Variants in IKBKB-DT observed in about 807,000 individuals in gnomAD.
IKBKB-DT encodes IKBKB divergent transcript, also known as IKBKB antisense RNA.
chr8:42,234,164 G>T (rs538486395), intron 3 of IKBKB-DT, among the ~76,000 whole-genome samples: 3 of 152,296 alleles, frequency 2.0e-5, no homozygotes, highest in African/African-American at 7.2e-5. Flanking sequence ...GCCCAGGAAT[G>T]AACAAGGACA....
In IKBKB-DT at chr8:42,253,547, G is replaced by T. The variant is rs193208921; in HGVS notation, n.1529+9782C>A. On this transcript the variant is annotated intron_variant and non_coding_transcript_variant, in intron 3 of 3. Transcript: ENST00000518213. ...GTTTGGAGAGTCATAACCAGATATTGGAGGAAACTAGAATTGGGGATCCAG... is the reference window on the plus strand; with the variant it reads ...GTTTGGAGAGTCATAACCAGATATTTGAGGAAACTAGAATTGGGGATCCAG... Among the ~76,000 whole-genome samples, 107 of 152,284 alleles carry T rather than the reference G, an allele frequency of 7.0e-4. 1 individual carries two copies. In the South Asian group the frequency reaches 0.021, roughly 30 times the overall value.
At chr8:42,240,918 T>C (rs1394801926) in intron 3 of IKBKB-DT, among the ~76,000 whole-genome samples, 2 of 151,976 alleles carry the variant, frequency 1.3e-5, no homozygotes, top group Non-Finnish European at 2.9e-5. Context: ...GAGGTTGCTG[T>C]GAGCTGAGAT....
chr8:42,254,420 A>G (rs28447094), intron 3 of IKBKB-DT, among the ~76,000 whole-genome samples: 15,542 of 143,624 alleles, frequency 0.11, 2,495 homozygotes, highest in African/African-American at 0.36. Flanking sequence ...CTGCCCAGCC[A>G]CCGCCCCGTC....
At chr8:42,239,603 T>A (rs1306357054) in intron 3 of IKBKB-DT, among the ~76,000 whole-genome samples, 1 of 134,558 alleles carries the variant, frequency 7.4e-6, no homozygotes, top group Non-Finnish European at 1.6e-5. Context: ...CCAATTTTTG[T>A]AAAAGGCAAT....
At chr8:42,262,321 A>T (rs564160277) in intron 3 of IKBKB-DT, among the ~76,000 whole-genome samples, 8 of 147,038 alleles carry the variant, frequency 5.4e-5, no homozygotes, top group Admixed American at 2.7e-4. Flanking sequence ...CACTTTATTT[A>T]AAAAAAAAAA....
At chr8:42,248,741 T>C (rs1220978181) in intron 3 of IKBKB-DT, among the ~76,000 whole-genome samples, 1 of 151,814 alleles carries the variant, frequency 6.6e-6, no homozygotes, top group East Asian at 1.9e-4. Flanking sequence ...TGGCCAGGTG[T>C]GGTGACAGGC....
At chr8:42,243,138 G>T (rs72641465) in intron 3 of IKBKB-DT, among the ~76,000 whole-genome samples, 1 of 152,162 alleles carries the variant, frequency 6.6e-6, no homozygotes, top group African/African-American at 2.4e-5. Context: ...CCTACTGGGC[G>T]GTTGGACTGG....
rs536724720 is a variant in IKBKB-DT at position 42,248,340 on chromosome 8, G to A, written n.1530-14481C>T. Among the ~76,000 whole-genome samples, 7 of 152,058 alleles carry A rather than the reference G, an allele frequency of 4.6e-5. No homozygotes were observed. In the East Asian group the frequency reaches 5.8e-4, roughly 13 times the overall value. ...AGGCCACAGACCGGGACCTGTCTTC[G>A]GCTCTTGGTTTGGAGACCCCTGTCT... On this transcript the variant is annotated intron_variant and non_coding_transcript_variant, in intron 3 of 3. Coordinates refer to ENST00000518213, the Ensembl canonical transcript of IKBKB-DT.
intron 3 of IKBKB-DT, among the ~76,000 whole-genome samples, chr8:42,254,091 G>A (rs1585464890): frequency 6.6e-6 from 1 of 152,338 alleles, no homozygotes; most frequent in South Asian, 2.1e-4. Context: ...ACGGCTAGCA[G>A]ATATTTAAGA....
At chr8:42,253,118 G>T (rs1347254986) in intron 3 of IKBKB-DT, among the ~76,000 whole-genome samples, 1 of 152,132 alleles carries the variant, frequency 6.6e-6, no homozygotes, top group East Asian at 1.9e-4. Flanking sequence ...ATCATCTATT[G>T]TCTCTAAGGG....
At chr8:42,238,856 C>A (rs1806958141) in intron 3 of IKBKB-DT, among the ~76,000 whole-genome samples, 1 of 152,164 alleles carries the variant, frequency 6.6e-6, no homozygotes, top group African/African-American at 2.4e-5. Flanking sequence ...CATTCCCTAG[C>A]CCCTGCTTGC....
At chr8:42,240,223 G>GTTTT (rs61546766) in intron 3 of IKBKB-DT, among the ~76,000 whole-genome samples, 4 of 140,308 alleles carry the variant, frequency 2.9e-5, no homozygotes, top group Admixed American at 7.2e-5. Flanking sequence ...GCCAAATGCT[G>GTTTT]TTTTTTTTTT....
At chr8:42,255,774 C>T (rs535715957) in intron 3 of IKBKB-DT, among the ~76,000 whole-genome samples, 7 of 152,078 alleles carry the variant, frequency 4.6e-5, no homozygotes, top group South Asian at 2.1e-4. Flanking sequence ...ACCTGTAATC[C>T]CAGCACTTTG....
chr8:42,251,790 C>T (rs1337540136), intron 3 of IKBKB-DT, among the ~76,000 whole-genome samples: 2 of 147,582 alleles, frequency 1.4e-5, no homozygotes, highest in South Asian at 2.1e-4. Context: ...GATTGTGTCA[C>T]TGCACTCCAG....
chr8:42,253,028 C>T (rs1300431869), intron 3 of IKBKB-DT, among the ~76,000 whole-genome samples: 1 of 152,152 alleles, frequency 6.6e-6, no homozygotes, highest in East Asian at 1.9e-4. Flanking sequence ...AAAGCTAGAT[C>T]TTTTTCTTCC....
intron 2 of IKBKB-DT, among the ~76,000 whole-genome samples, chr8:42,264,917 C>T (rs1393947065): frequency 2.0e-5 from 3 of 150,826 alleles, no homozygotes; most frequent in East Asian, 3.9e-4. Flanking sequence ...GGCTGGAGTG[C>T]AATGGCGCCA....
intron 3 of IKBKB-DT, chr8:42,255,225 G>T (rs552484251): frequency 6.6e-6 from 1 of 152,344 alleles, no homozygotes; most frequent in East Asian, 1.9e-4. Flanking sequence ...CAAGTGTGAC[G>T]TGACAGCCTT....
chr8:42,263,576 A>G (rs1444955374), intron 2 of IKBKB-DT: 1 of 152,234 alleles, frequency 6.6e-6, no homozygotes, highest in Non-Finnish European at 1.5e-5. Context: ...AGTAAAATCT[A>G]GAGGGGTGGC....
chr8:42,262,638 A>AC (rs944137008), intron 3 of IKBKB-DT, among the ~76,000 whole-genome samples: 1 of 151,320 alleles, frequency 6.6e-6, no homozygotes, highest in Non-Finnish European at 1.5e-5. Flanking sequence ...ATGGGGTTTC[A>AC]CCGTGTTAGC....
Sources: allele counts gnomAD v4.1 joint callset (sites outside exome capture counted in the v4.1 genomes callset), GRCh38; gene constraint gnomAD v4.1.1; transcripts MANE v1.5; gene names NCBI Gene and HGNC (gene_info 2026-07-23, HGNC 2026-07-21).